HECW2: variants seen among roughly 807,000 people sequenced by gnomAD.
HECW2 encodes the protein HECT, C2 and WW domain containing E3 ubiquitin protein ligase 2.
In HECW2, 61 loss-of-function variants were observed where a neutral mutation model predicts 175.2. That is an observed-to-expected ratio of 0.35 (90% confidence interval 0.28 to 0.43). HECW2 has a LOEUF of 0.43. HECW2 is among the 20% of genes least tolerant of loss of function. HECW2 has a pLI of 1.00. For synonymous variants in HECW2, 671 were observed against 731.0 expected, an observed-to-expected ratio of 0.92 and a Z score of 1.32; for missense variants, 1,524 against 2,000.5, an observed-to-expected ratio of 0.76 and a Z score of 4.54.
intron 15 of HECW2, among the ~76,000 whole-genome samples, chr2:196,275,037 G>A (rs1450286004): frequency 3.9e-5 from 6 of 152,170 alleles, no homozygotes; most frequent in Non-Finnish European, 5.9e-5. Context: ...CTTTTATCAT[G>A]TTGCATCACT....
chr2:196,240,603 T>C, intron 20 of HECW2, 41 bp from the exon 21 acceptor site: 1 of 1,495,116 alleles, frequency 6.7e-7, no homozygotes, highest in East Asian at 2.5e-5. Flanking sequence ...AAATTATTAC[T>C]ATACTATTAA....
At chr2:196,411,259 T>C (rs1695102523) in intron 2 of HECW2, among the ~76,000 whole-genome samples, 1 of 152,042 alleles carries the variant, frequency 6.6e-6, no homozygotes, top group African/African-American at 2.4e-5. Flanking sequence ...CCCACCTCCA[T>C]CTCCCAAAGT....
Position 196,326,503 on chromosome 2 carries a change from G to A in HECW2, c.572-1354C>T, listed in dbSNP as rs112839730. ...TGTGTCGCCAGGCTGGAGTGCTGTG[G>A]TGTGATCTTGGCTCACTGCAACCTC... On this transcript the variant is annotated intron_variant, in intron 5 of 28. Transcript: ENST00000644978. 9.9e-5 allele frequency among the ~76,000 whole-genome samples: 15 copies of A among 151,832 alleles called. 1 individual carries two copies. The highest frequency in any genetic ancestry group is 3.4e-4 in the African/African-American group (14 of 41,326).
chr2:196,214,756 A>G (rs1289646408), intron 28 of HECW2, among the ~76,000 whole-genome samples: 1 of 152,136 alleles, frequency 6.6e-6, no homozygotes, highest in Non-Finnish European at 1.5e-5. Context: ...CCTTTTTCTC[A>G]TCTGTTGATG....
intron 2 of HECW2, among the ~76,000 whole-genome samples, chr2:196,350,717 G>A (rs923767514): frequency 3.9e-5 from 6 of 152,062 alleles, no homozygotes; most frequent in Non-Finnish European, 8.8e-5. Flanking sequence ...GATAAGGGGG[G>A]ATATTTCCTG....
chr2:196,271,450 A>T (rs1226218989), intron 16 of HECW2, among the ~76,000 whole-genome samples, 161 bp from the exon 17 acceptor site: 3 of 151,356 alleles, frequency 2.0e-5, no homozygotes, highest in Non-Finnish European at 4.4e-5. Context: ...TGCTCAGCTA[A>T]TTTTTTTTTG....
chr2:196,256,837 A>G lies in HECW2; in HGVS notation c.3419+986T>C, dbSNP rs531993933. ...AGAAGCTACCCCCACCATAGGTCCT[A>G]TTCAGAGTCAACTGAAGTGAAGTAT... On this transcript the variant is annotated intron_variant, in intron 18 of 28. Coordinates refer to ENST00000644978, the MANE Select transcript of HECW2 (RefSeq NM_001348768.2). Among the ~76,000 whole-genome samples, 118 of 152,352 alleles carry G rather than the reference A, an allele frequency of 7.7e-4. 3 individuals are homozygous for G. In the South Asian group the frequency reaches 0.024, roughly 31 times the overall value.
At chr2:196,452,542 T>C (rs1481797879) in intron 1 of HECW2, among the ~76,000 whole-genome samples, 1 of 152,176 alleles carries the variant, frequency 6.6e-6, no homozygotes, top group African/African-American at 2.4e-5. Flanking sequence ...CAACAGAAAG[T>C]TCAAGGTAAT....
intron 1 of HECW2, among the ~76,000 whole-genome samples, chr2:196,457,622 G>A (rs1696563323): frequency 6.6e-6 from 1 of 152,116 alleles, no homozygotes; most frequent in African/African-American, 2.4e-5. Flanking sequence ...TACTACTACT[G>A]TGACCTTATG....
intron 1 of HECW2, among the ~76,000 whole-genome samples, chr2:196,460,776 ATTTTTTTTTTTTTTTT>A (rs201916150): frequency 0.018 from 2,090 of 116,166 alleles, 51 homozygotes; most frequent in African/African-American, 0.058. Flanking sequence ...ACACCTGGCA[ATTTTTTTTTTTTTTTT>A]TTTTTTTTTT....
chr2:196,487,605 T>C (rs1014253471), intron 1 of HECW2, among the ~76,000 whole-genome samples: 2 of 152,048 alleles, frequency 1.3e-5, no homozygotes, highest in Non-Finnish European at 2.9e-5. Flanking sequence ...GCAGAAGGGG[T>C]GCCTCGCATT....
At chr2:196,390,236 G>A (rs183980847) in intron 2 of HECW2, among the ~76,000 whole-genome samples, 50 of 152,190 alleles carry the variant, frequency 3.3e-4, no homozygotes, top group African/African-American at 1.2e-3. Context: ...AAAAAGAAAG[G>A]CCAACCAAAA....
At chr2:196,299,795 G>A (rs919875197) in intron 13 of HECW2, among the ~76,000 whole-genome samples, 3 of 152,090 alleles carry the variant, frequency 2.0e-5, no homozygotes, top group African/African-American at 7.2e-5. Flanking sequence ...CGGGCGTGGT[G>A]GCGGGCATCT....
chr2:196,530,414 C>G (rs1462420873), intron 1 of HECW2, among the ~76,000 whole-genome samples: 1 of 152,208 alleles, frequency 6.6e-6, no homozygotes, highest in Non-Finnish European at 1.5e-5. Context: ...ATAACCATCC[C>G]TACAGAATCC....
At chr2:196,354,822 A>G (rs1693305014) in intron 2 of HECW2, among the ~76,000 whole-genome samples, 1 of 152,244 alleles carries the variant, frequency 6.6e-6, no homozygotes, top group Non-Finnish European at 1.5e-5. Context: ...GTGACATTCA[A>G]CTTTGTTTAT....
At chr2:196,326,790 G>A (rs561632598) in intron 5 of HECW2, among the ~76,000 whole-genome samples, 2 of 152,226 alleles carry the variant, frequency 1.3e-5, no homozygotes, top group Admixed American at 6.5e-5. Context: ...AAACCAGTAG[G>A]AGAAGGAAAA....
intron 1 of HECW2, among the ~76,000 whole-genome samples, chr2:196,482,885 A>G (rs1414614949): frequency 6.6e-6 from 1 of 152,194 alleles, no homozygotes; most frequent in African/African-American, 2.4e-5. Flanking sequence ...TCGCAACACC[A>G]GCTCCACTTC....
rs201916150 is a variant in HECW2, at chr2:196,460,776, ATTTTTTTTTTTTTTTTTTT to A, written c.-35-27337_-35-27319del. On this transcript the variant is annotated intron_variant, in intron 1 of 28. Coordinates refer to ENST00000644978, the MANE Select transcript of HECW2 (RefSeq NM_001348768.2). ...CAAGCATGCATCACCACACCTGGCA[ATTTTTTTTTTTTTTTTTTT>A]TTTTTTTTTTGGAGAGATAGGCTCT... 3.5e-3 allele frequency among the ~76,000 whole-genome samples: 409 copies of A among 116,154 alleles called. 3 individuals carry two copies. The highest frequency in any genetic ancestry group is 0.011 in the African/African-American group (385 of 34,410). 76.2% of individuals were successfully genotyped at this position (116,154 alleles called of 152,430 possible).
chr2:196,240,443 A>G lies in HECW2; in HGVS notation c.3764+6T>C, dbSNP rs764241293. On this transcript the variant is annotated splice_donor_region_variant and intron_variant, in intron 21 of 28. Transcript: ENST00000644978. Reference sequence around the variant, plus strand: ...GTTCCACAGGCCACTTCTCTGTTCTACTCACCCTTCCTCCCCAACGAAGGT... The same window carrying G: ...GTTCCACAGGCCACTTCTCTGTTCTGCTCACCCTTCCTCCCCAACGAAGGT... 2.5e-6 allele frequency: 4 copies of G among 1,593,760 alleles called. No homozygotes were observed. Among genetic ancestry groups the G allele is most frequent in the Middle Eastern group, 3.3e-4 (2 of 6,012 alleles).
Sources: gnomAD v4.1 joint callset for allele counts (sites outside exome capture counted in the v4.1 genomes callset) on GRCh38, gnomAD v4.1.1 for gene constraint, MANE v1.5 for transcripts, NCBI Gene and HGNC (gene_info 2026-07-23, HGNC 2026-07-21) for gene names.